Variants in ERBB4 observed in about 807,000 individuals in gnomAD.
The protein encoded by ERBB4 is receptor tyrosine-protein kinase erbB-4.
ERBB4 carries 42 observed loss-of-function variants against 158.0 expected under a neutral mutation model. That is an observed-to-expected ratio of 0.27 (90% CI 0.21 to 0.34). The LOEUF is 0.34. Ranked by LOEUF, ERBB4 falls within the 10% of genes least tolerant of loss-of-function variation. ERBB4 has a pLI of 1.00. For synonymous variants in ERBB4, 583 were observed against 558.7 expected (o/e 1.04, Z -0.61); for missense variants, 1,333 against 1,624.1 (o/e 0.82, Z 3.08).
chr2:211,992,024 A>C (rs1157335906), intron 2 of ERBB4, among the ~76,000 whole-genome samples: 1 of 151,962 alleles, frequency 6.6e-6, no homozygotes, highest in Non-Finnish European at 1.5e-5. Context: ...ACTTTCCCAC[A>C]TTTTCCTGTC....
At chr2:211,831,892 A>G (rs1437694887) in intron 3 of ERBB4, among the ~76,000 whole-genome samples, 2 of 147,664 alleles carry the variant, frequency 1.4e-5, no homozygotes, top group Admixed American at 1.4e-4. Context: ...AACAACAGCG[A>G]GACTCTGTCT....
intron 17 of ERBB4, 55 bp from the exon 18 acceptor site, chr2:211,624,099 CTCTG>C (rs1182456098): frequency 2.1e-5 from 34 of 1,606,772 alleles, no homozygotes; most frequent in Non-Finnish European, 2.8e-5. Context: ...AGTCCTCTCT[CTCTG>C]TCTCTCTCTC....
intron 4 of ERBB4, among the ~76,000 whole-genome samples, chr2:211,773,643 TA>T (rs1559506474): frequency 3.5e-4 from 30 of 85,768 alleles, no homozygotes; most frequent in African/African-American, 1.1e-3. Context: ...TATATATATA[TA>T]TATAATATAT....
intron 2 of ERBB4, among the ~76,000 whole-genome samples, chr2:212,002,293 G>A (rs2076123967): frequency 6.6e-6 from 1 of 152,078 alleles, no homozygotes; most frequent in Non-Finnish European, 1.5e-5. Context: ...TGCAGAAGAG[G>A]GGTTTCAGAG....
chr2:212,099,177 AAATAAAT>A (rs766379134), intron 2 of ERBB4, among the ~76,000 whole-genome samples: 250 of 141,574 alleles, frequency 1.8e-3, no homozygotes, highest in Non-Finnish European at 2.2e-3. Flanking sequence ...ATAAATAAAT[AAATAAAT>A]AATAAATAAT....
intron 1 of ERBB4, among the ~76,000 whole-genome samples, chr2:212,177,937 TTTGTGAG>T (rs1255991502): frequency 7.7e-6 from 1 of 129,070 alleles, no homozygotes; most frequent in Non-Finnish European, 1.7e-5. Flanking sequence ...GCAAAGAGTG[TTTGTGAG>T]TGTTTGTGAG....
intron 3 of ERBB4, among the ~76,000 whole-genome samples, chr2:211,940,101 C>A (rs907416652): frequency 2.6e-5 from 4 of 152,018 alleles, no homozygotes; most frequent in African/African-American, 9.7e-5. Context: ...TCCAGTGATT[C>A]TAGCCCCAGC....
At chr2:211,928,820 G>A (rs980397106) in intron 3 of ERBB4, among the ~76,000 whole-genome samples, 23 of 152,108 alleles carry the variant, frequency 1.5e-4, no homozygotes, top group Admixed American at 1.5e-3. Flanking sequence ...GCTTTCTATG[G>A]CATATTGAAA....
chr2:212,144,039 C>T (rs1321923685), intron 1 of ERBB4, among the ~76,000 whole-genome samples: 2 of 150,756 alleles, frequency 1.3e-5, no homozygotes, highest in Admixed American at 6.6e-5. Flanking sequence ...AAAGAAGAAA[C>T]TTAATTAGAT....
intron 15 of ERBB4, among the ~76,000 whole-genome samples, chr2:211,663,705 T>C (rs2071516282): frequency 6.6e-6 from 1 of 152,220 alleles, no homozygotes; most frequent in Non-Finnish European, 1.5e-5. Flanking sequence ...GGCCTCATTG[T>C]AATTAGATTT....
chr2:211,682,270 T>C (rs1415279697), intron 12 of ERBB4, among the ~76,000 whole-genome samples: 4 of 152,122 alleles, frequency 2.6e-5, no homozygotes, highest in Non-Finnish European at 5.9e-5. Context: ...GCATCAATGA[T>C]GTAAGTTCCA....
At chr2:212,192,121 ATT>A (rs1491577299) in intron 1 of ERBB4, among the ~76,000 whole-genome samples, 3 of 114,152 alleles carry the variant, frequency 2.6e-5, no homozygotes, top group East Asian at 2.4e-4. Flanking sequence ...TATTATATAT[ATT>A]ATGTGTTATG....
At chr2:211,861,640 C>A (rs997902390) in intron 3 of ERBB4, among the ~76,000 whole-genome samples, 2 of 151,992 alleles carry the variant, frequency 1.3e-5, no homozygotes, top group Non-Finnish European at 1.5e-5. Flanking sequence ...GTGATACATG[C>A]ACAATATGTT....
At chr2:211,679,229 T>C (rs749636301) in intron 12 of ERBB4, 45 bp from the exon 13 acceptor site, 25 of 1,607,396 alleles carry the variant, frequency 1.6e-5, no homozygotes, top group Non-Finnish European at 2.1e-5. Context: ...GAGGATTGTG[T>C]CAAAACTTAA....
At chr2:211,975,131 C>G (rs2081568137) in intron 2 of ERBB4, among the ~76,000 whole-genome samples, 1 of 152,036 alleles carries the variant, frequency 6.6e-6, no homozygotes, top group Non-Finnish European at 1.5e-5. Flanking sequence ...TACAAGTACA[C>G]TAACATACCT....
chr2:212,257,154 T>C (rs1317093999), intron 1 of ERBB4, among the ~76,000 whole-genome samples: 1 of 152,176 alleles, frequency 6.6e-6, no homozygotes, highest in African/African-American at 2.4e-5. Context: ...ACATGCAATA[T>C]TTGAGAACCA....
At chr2:212,514,560 A>C (rs567698024) in intron 1 of ERBB4, among the ~76,000 whole-genome samples, 1 of 152,180 alleles carries the variant, frequency 6.6e-6, no homozygotes, top group African/African-American at 2.4e-5. Flanking sequence ...TAATCCCAGC[A>C]CTTTGGGAGG....
At chr2:211,486,247 C>T (rs899121505) in intron 20 of ERBB4, among the ~76,000 whole-genome samples, 2 of 152,198 alleles carry the variant, frequency 1.3e-5, no homozygotes, top group Non-Finnish European at 2.9e-5. Flanking sequence ...TGCTTGCTCC[C>T]TTTTCGTTCC....
At chr2:211,508,860 G>C (rs2125608148) in intron 20 of ERBB4, among the ~76,000 whole-genome samples, 1 of 152,226 alleles carries the variant, frequency 6.6e-6, no homozygotes, top group Non-Finnish European at 1.5e-5. Context: ...AACCCAGGAG[G>C]CGGAGCTTGC....
Sources: gnomAD v4.1 joint callset for allele counts (sites outside exome capture counted in the v4.1 genomes callset) on GRCh38, gnomAD v4.1.1 for gene constraint, MANE v1.5 for transcripts, NCBI Gene and HGNC (gene_info 2026-07-23, HGNC 2026-07-21) for gene names.